Variants in TRMT11 observed in about 807,000 individuals in gnomAD.
The protein encoded by TRMT11 is tRNA methyltransferase 11, also known as tRNA (guanine(10)-N(2))-methyltransferase TRMT11.
In TRMT11, 53 loss-of-function variants were observed where a neutral mutation model predicts 62.8. The ratio of observed to expected loss-of-function variants is 0.84; its 90% CI spans 0.68 to 1.06. TRMT11 has a LOEUF of 1.06. Ranked by LOEUF, TRMT11 falls within the 50% of genes least tolerant of loss-of-function variation. TRMT11 has a pLI of 0.00. For missense variants in TRMT11, 556 were observed against 553.4 expected (o/e 1.00, Z -0.05); for synonymous variants, 188 against 190.3 (o/e 0.99, Z 0.10).
At chr6:126,033,259 C>T (rs1774545520) in intron 12 of TRMT11, among the ~76,000 whole-genome samples, 1 of 152,044 alleles carries the variant, frequency 6.6e-6, no homozygotes, top group South Asian at 2.1e-4. Flanking sequence ...TATGTATTCT[C>T]ACAGTATAAT....
rs373898021 is a variant in TRMT11, at chr6:126,013,039, C to T, written c.1077C>T (p.Phe359=). The change falls in exon 11 of 13, where the codon TTC becomes TTT. Residue 359 remains phenylalanine (F), a synonymous_variant. Transcript: ENST00000334379. The stretch of plus-strand genomic sequence containing the variant: ...ATATGTTTCTTGACCTGTTAAACTT[C>T]GCAGCTGAGACCCTCGTTTTAGGTG... ...LSDMFLDLLN[F]AAETLVLGGR... 13 of 1,613,676 alleles carry T rather than the reference C, an allele frequency of 8.1e-6. No individual in the cohort carries two copies. In the Admixed American group the frequency reaches 1.5e-4, roughly 19 times the overall value.
chr6:126,003,661 G>A (rs1408618758), intron 7 of TRMT11, among the ~76,000 whole-genome samples: 1 of 151,900 alleles, frequency 6.6e-6, no homozygotes, highest in Non-Finnish European at 1.5e-5. Context: ...ATATTTTAAG[G>A]GCCATTATGA....
intron 21 of TRMT11, among the ~76,000 whole-genome samples, chr6:126,125,615 G>A (rs1040538886): frequency 8.5e-5 from 13 of 152,160 alleles, no homozygotes; most frequent in African/African-American, 3.1e-4. Flanking sequence ...AACAGACATG[G>A]TCCCTGTCCT....
chr6:126,053,693 C>T (rs541874890), intron 17 of TRMT11, among the ~76,000 whole-genome samples: 7 of 152,344 alleles, frequency 4.6e-5, no homozygotes, highest in East Asian at 3.9e-4. Context: ...CATGGCCCTG[C>T]ATGGCGTGGT....
chr6:126,141,015 T>C (rs1454533789), intron 21 of TRMT11, among the ~76,000 whole-genome samples: 1 of 152,056 alleles, frequency 6.6e-6, no homozygotes, highest in African/African-American at 2.4e-5. Context: ...TTAAAGTACA[T>C]AATGACTCTA....
At chr6:126,212,885 A>G in the TRMT11 span, among the ~76,000 whole-genome samples, 1 of 151,972 alleles carries the variant, frequency 6.6e-6, no homozygotes, top group Non-Finnish European at 1.5e-5. Flanking sequence ...CATTTTAAAA[A>G]TTAGTTTCAT....
chr6:126,150,965 C>G (rs1778031957), intron 21 of TRMT11, among the ~76,000 whole-genome samples: 1 of 152,066 alleles, frequency 6.6e-6, no homozygotes, highest in South Asian at 2.1e-4. Flanking sequence ...AGAGCTATTA[C>G]TAGAGCTGGG....
At chr6:126,048,231 A>T (rs1776115514) in intron 16 of TRMT11, among the ~76,000 whole-genome samples, 1 of 152,194 alleles carries the variant, frequency 6.6e-6, no homozygotes, top group South Asian at 2.1e-4. Context: ...GTGCCATTTC[A>T]ATGGACTGCA....
chr6:126,023,179 A>G (rs931959243), intron 12 of TRMT11, among the ~76,000 whole-genome samples: 1 of 152,238 alleles, frequency 6.6e-6, no homozygotes, highest in Non-Finnish European at 1.5e-5. Context: ...ATTAAACATT[A>G]AAAACATTGC....
chr6:126,118,079 A>G (rs930007167), intron 21 of TRMT11, among the ~76,000 whole-genome samples: 2 of 152,144 alleles, frequency 1.3e-5, no homozygotes, highest in African/African-American at 4.8e-5. Context: ...TAGATTTGCC[A>G]TAAATGTTTC....
intron 21 of TRMT11, among the ~76,000 whole-genome samples, chr6:126,143,040 T>C (rs1390750155): frequency 1.3e-5 from 2 of 152,162 alleles, no homozygotes; most frequent in Non-Finnish European, 2.9e-5. Flanking sequence ...TAATGTTGTA[T>C]ACACTGTATT....
chr6:126,003,605 G>A (rs1384474889), intron 7 of TRMT11, among the ~76,000 whole-genome samples: 1 of 151,970 alleles, frequency 6.6e-6, no homozygotes, highest in Non-Finnish European at 1.5e-5. Context: ...TCAATGTAGT[G>A]TTAATTTGTA....
chr6:126,137,631 G>A (rs184365393), intron 21 of TRMT11, among the ~76,000 whole-genome samples: 20 of 151,978 alleles, frequency 1.3e-4, no homozygotes, highest in African/African-American at 4.1e-4. Flanking sequence ...ATGTCCAAAA[G>A]AGAGGAAATA....
chr6:126,095,308 A>G lies in TRMT11; in HGVS notation c.*1438-17558A>G, dbSNP rs143625652. Among the ~76,000 whole-genome samples the G allele has an allele frequency of 1.2e-4, 18 of 152,320 alleles. No individual in the cohort carries two copies. In the East Asian group the frequency reaches 3.5e-3, roughly 29 times the overall value. The stretch of plus-strand genomic sequence containing the variant: ...GATCTGAAAAATAATCTCCTCAGCT[A>G]TATTGCCTACTGATGATTGATGAAC... On this transcript the variant is annotated intron_variant and NMD_transcript_variant, in intron 17 of 22. Coordinates refer to the TRMT11 transcript ENST00000648977.
intron 1 of TRMT11, among the ~76,000 whole-genome samples, chr6:126,189,689 T>C (rs978379899): frequency 2.0e-5 from 3 of 152,086 alleles, no homozygotes; most frequent in African/African-American, 7.2e-5. Context: ...TATTTTATTG[T>C]TGGTTGGGGC....
chr6:126,080,049 T>A (rs567873444), intron 17 of TRMT11, among the ~76,000 whole-genome samples: 62 of 152,270 alleles, frequency 4.1e-4, no homozygotes, highest in Non-Finnish European at 4.6e-4. Context: ...TGTATTTTTT[T>A]ATCTACATAA....
At chr6:126,264,729 G>T in the TRMT11 span, among the ~76,000 whole-genome samples, 1 of 152,096 alleles carries the variant, frequency 6.6e-6, no homozygotes, top group Non-Finnish European at 1.5e-5. Flanking sequence ...ACTGCATTTG[G>T]ACTTTCTCTG....
chr6:126,033,268 A>G (rs898978607), intron 12 of TRMT11, among the ~76,000 whole-genome samples: 9 of 152,134 alleles, frequency 5.9e-5, no homozygotes, highest in African/African-American at 1.4e-4. Flanking sequence ...TCACAGTATA[A>G]TCCAGAGGGT....
intron 17 of TRMT11, among the ~76,000 whole-genome samples, chr6:126,085,466 A>G (rs1353325184): frequency 6.6e-6 from 1 of 152,178 alleles, no homozygotes; most frequent in African/African-American, 2.4e-5. Context: ...ACTTCTGAAC[A>G]TAACAAACAT....
Sources: gnomAD v4.1 joint callset for allele counts (sites outside exome capture counted in the v4.1 genomes callset) on GRCh38, gnomAD v4.1.1 for gene constraint, MANE v1.5 for transcripts, NCBI Gene and HGNC (gene_info 2026-07-23, HGNC 2026-07-21) for gene names.